Variants in TM7SF2 observed in about 807,000 individuals in gnomAD.
TM7SF2 encodes the protein delta(14)-sterol reductase TM7SF2.
A neutral mutation model predicts 51.0 loss-of-function variants in TM7SF2; 51 were observed. The observed-to-expected ratio is 1.00, with a 90% CI of 0.80 to 1.26. The LOEUF is 1.26. Ranked by LOEUF, TM7SF2 falls within the 50% of genes most tolerant of loss-of-function variation. The probability of loss-of-function intolerance (pLI) is 0.00; values close to 1 mark genes in which losing one functional copy is unlikely to be tolerated. For missense variants in TM7SF2, 541 were observed against 547.4 expected (o/e 0.99, Z 0.12); for synonymous variants, 255 against 241.0 (o/e 1.06, Z -0.54).
Position 65,116,200 on chromosome 11 carries a change from G to A in TM7SF2, c.*147G>A, listed in dbSNP as rs187905556. 3.1e-4 allele frequency: 389 copies of A among 1,257,276 alleles called. 9 individuals are homozygous for A. In the South Asian group the frequency reaches 3.7e-3, roughly 12 times the overall value. The allele number at this position is 1,257,276 out of a possible 1,614,324, so 77.9% of individuals were successfully genotyped here. ...AACCTCAGAGAAGAGGTGGTTTAGA[G>A]CAAGGAAAAAAATGAAACCAGTGAC... On this transcript the variant is annotated 3_prime_UTR_variant, in exon 10 of 10. Transcript: ENST00000279263.
chr11:65,114,590 C>G lies in TM7SF2; in HGVS notation c.604-123C>G. 4.0e-6 allele frequency: 5 copies of G among 1,240,194 alleles called. No individual in the cohort carries two copies. In the South Asian group the frequency reaches 7.4e-5, roughly 18 times the overall value. 76.8% of individuals were successfully genotyped at this position (1,240,194 alleles called of 1,614,324 possible). A position where few individuals can be genotyped will look rare whatever the true frequency, so the allele number is the denominator to read the frequency against. On this transcript the variant is annotated intron_variant, in intron 5 of 9. Coordinates refer to ENST00000279263, the MANE Select transcript of TM7SF2 (RefSeq NM_003273.6). Reference sequence around the variant, plus strand: ...CTGTCCACAGTCTCTGTCCTTGGGTCTAGGGCCTGGATCCACTTAAGAGCT... The same window carrying G: ...CTGTCCACAGTCTCTGTCCTTGGGTGTAGGGCCTGGATCCACTTAAGAGCT...
rs529927670 is a variant in TM7SF2, at chr11:65,116,193, G to A, written c.*140G>A. 1 of 1,270,662 alleles carries A rather than the reference G, an allele frequency of 7.9e-7. No individual in the cohort carries two copies. Among genetic ancestry groups the A allele is most frequent in the South Asian group, 1.5e-5 (1 of 66,578 alleles). 78.7% of individuals were successfully genotyped at this position (1,270,662 alleles called of 1,614,324 possible). A position where few individuals can be genotyped will look rare whatever the true frequency, so the allele number is the denominator to read the frequency against. On this transcript the variant is annotated 3_prime_UTR_variant, in exon 10 of 10. Coordinates refer to ENST00000279263, the MANE Select transcript of TM7SF2 (RefSeq NM_003273.6). ...GATGAACAACCTCAGAGAAGAGGTG[G>A]TTTAGAGCAAGGAAAAAAATGAAAC...
Position 65,115,340 on chromosome 11 carries a change from GCGAATTCC to G in TM7SF2, c.921_928del (p.Asn308GlufsTer10). On this transcript the variant is annotated frameshift_variant, in exon 8 of 10. Coordinates refer to ENST00000279263, the MANE Select transcript of TM7SF2 (RefSeq NM_003273.6). LOFTEE classifies it high-confidence loss of function. ...TACTGGTTACTACATCTTCCGTGGGGCGAATTCCCAGAAAAACACTTTCCGAAAGAATC... is the reference window on the plus strand; with the variant it reads ...TACTGGTTACTACATCTTCCGTGGGGCAGAAAAACACTTTCCGAAAGAATC... The G allele has an allele frequency of 6.2e-7, 1 of 1,614,158 alleles. No individual in the cohort carries two copies. The highest frequency in any genetic ancestry group is 2.2e-5 in the East Asian group (1 of 44,884).
Position 65,113,564 on chromosome 11 carries a change from C to A in TM7SF2, c.573C>A (p.Phe191Leu), listed in dbSNP as rs1353524397. The change falls in exon 5 of 10, where the codon TTC (phenylalanine) becomes TTA (leucine). Residue 191 changes from phenylalanine to leucine, a missense_variant. Phe to Leu is a conservative substitution (Grantham distance 22, BLOSUM62 0). Transcript: ENST00000279263. ...TCTGTTTCTTCGACTTCAAATATTT[C>A]TGTGAACTGCGACCCGGCCTCATCG... is the stretch of plus-strand genomic sequence containing the variant. The part of the protein sequence containing the change: ...PRICFFDFKY[F>L]CELRPGLIGW... 2 of 1,613,992 alleles carry A rather than the reference C, an allele frequency of 1.2e-6. No individual in the cohort carries two copies. The highest frequency in any genetic ancestry group is 1.7e-6 in the Non-Finnish European group (2 of 1,180,014).
Position 65,116,167 on chromosome 11 carries a change from G to A in TM7SF2, c.*114G>A. 3.6e-6 allele frequency: 5 copies of A among 1,374,262 alleles called. No homozygotes were observed. The highest frequency in any genetic ancestry group is 4.9e-6 in the Non-Finnish European group (5 of 1,026,174). The allele number at this position is 1,374,262 out of a possible 1,614,324, so 85.1% of individuals were successfully genotyped here. ...GGGCTTGCACCCCACCCAGCCCTGA[G>A]GATGAACAACCTCAGAGAAGAGGTG... On this transcript the variant is annotated 3_prime_UTR_variant, in exon 10 of 10. Coordinates refer to ENST00000279263, the MANE Select transcript of TM7SF2 (RefSeq NM_003273.6).
In TM7SF2 at chr11:65,112,040, G is replaced by T; in HGVS notation, c.25G>T (p.Ala9Ser). 1.3e-6 allele frequency: 2 copies of T among 1,594,402 alleles called. No homozygotes were observed. Among genetic ancestry groups the T allele is most frequent in the Non-Finnish European group, 1.7e-6 (2 of 1,172,198 alleles). Residue 9 changes from alanine to serine, a missense_variant, in exon 1 of 10, where the codon GCC becomes TCC. Transcript: ENST00000279263. The stretch of plus-strand genomic sequence containing the variant: ...CATGGCCCCCACTCAGGGCCCCCGG[G>T]CCCCGCTGGAATTCGGAGGGCCCCT... MAPTQGPRAPLEFGGPLGA... is the reference protein window; with the variant it reads MAPTQGPRSPLEFGGPLGA...
At chr11:65,112,999 C>T in intron 3 of TM7SF2, 134 bp downstream of exon 3, 5 of 1,191,330 alleles carry the variant, frequency 4.2e-6, no homozygotes, top group Non-Finnish European at 5.9e-6. Context: ...AGGACAGACG[C>T]CGGGGGCTCT....
Position 65,115,938 on chromosome 11 carries a change from C to T in TM7SF2, c.1142C>T (p.Ala381Val), listed in dbSNP as rs778148061. The stretch of plus-strand genomic sequence containing the variant: ...TACTTCTACCTCCTCTACTTCACCG[C>T]GCTGCTGGTGCACCGTGAGGCCCGG... The part of the protein sequence containing the change: ...LPYFYLLYFT[A>V]LLVHREARDE... Residue 381 changes from alanine to valine, a missense_variant, in exon 10 of 10, where the codon GCG becomes GTG. Transcript: ENST00000279263. 6.8e-6 allele frequency: 11 copies of T among 1,613,914 alleles called. No homozygotes were observed. Among genetic ancestry groups the T allele is most frequent in the South Asian group, 5.5e-5 (5 of 91,088 alleles).
rs753567126 is a variant in TM7SF2 at position 65,115,532 on chromosome 11, G to C, written c.1030G>C (p.Gly344Arg). Reference sequence around the variant, plus strand: ...GAAACTGCTGGTGTCTGGGTGGTGGGGTATGGTCCGCCATCCCAACTATCT... The same window carrying C: ...GAAACTGCTGGTGTCTGGGTGGTGGCGTATGGTCCGCCATCCCAACTATCT... ...GRKLLVSGWWGMVRHPNYLGD... is the reference protein window; with the variant it reads ...GRKLLVSGWWRMVRHPNYLGD... The change falls in exon 9 of 10, where the codon GGT becomes CGT. Residue 344 changes from glycine (G) to arginine (R), a missense_variant. By Grantham distance (125) the Gly-to-Arg change is moderately radical (BLOSUM62 -2). Coordinates refer to ENST00000279263, the MANE Select transcript of TM7SF2 (RefSeq NM_003273.6). The C allele has an allele frequency of 4.3e-6, 7 of 1,614,118 alleles. No individual in the cohort carries two copies. Among genetic ancestry groups the C allele is most frequent in the Non-Finnish European group, 5.9e-6 (7 of 1,180,010 alleles).
rs913852743 is a variant in TM7SF2, at chr11:65,113,424, G to A, written c.499+10G>A. 1 of 1,614,056 alleles carries A rather than the reference G, an allele frequency of 6.2e-7. No individual in the cohort carries two copies. The highest frequency in any genetic ancestry group is 8.5e-7 in the Non-Finnish European group (1 of 1,180,008). On this transcript the variant is annotated intron_variant, in intron 4 of 9. Coordinates refer to ENST00000279263, the MANE Select transcript of TM7SF2 (RefSeq NM_003273.6). ...CCTGGGGGGAACTCAGGTGAGAGGGGTCCTGGGGTGGAGACGGAGGCAGAT... is the reference window on the plus strand; with the variant it reads ...CCTGGGGGGAACTCAGGTGAGAGGGATCCTGGGGTGGAGACGGAGGCAGAT...
In TM7SF2 at chr11:65,114,806, T is replaced by C. The variant is rs867555087; in HGVS notation, c.697T>C (p.Tyr233His). ...MWLVNGFQLL[Y>H]VGDALWHEEA... ...GCTGGTCAATGGCTTCCAGTTGCTC[T>C]ACGTGGGTGATGCCCTCTGGCACGA... The change falls in exon 6 of 10, where the codon TAC (tyrosine) becomes CAC (histidine). Residue 233 changes from tyrosine to histidine, a missense_variant. By Grantham distance (83) the Tyr-to-His change is moderately conservative (BLOSUM62 2). Coordinates refer to ENST00000279263, the MANE Select transcript of TM7SF2 (RefSeq NM_003273.6). 2 of 1,614,136 alleles carry C rather than the reference T, an allele frequency of 1.2e-6. No individual in the cohort carries two copies. Among genetic ancestry groups the C allele is most frequent in the African/African-American group, 2.7e-5 (2 of 74,948 alleles).
Position 65,113,594 on chromosome 11 carries a change from G to A in TM7SF2, c.603G>A (p.Trp201Ter). ...AACTGCGACCCGGCCTCATCGGCTG[G>A]GTATGTTGGGCTTGACTGAGCTGGC... ...FCELRPGLIG[W>*]VLINLALLMK... The change falls in exon 5 of 10, where the codon TGG (tryptophan) becomes TGA (stop). Residue 201 changes from tryptophan to a stop codon, truncating the protein, a stop_gained and splice_region_variant. Coordinates refer to ENST00000279263, the MANE Select transcript of TM7SF2 (RefSeq NM_003273.6). LOFTEE classifies it high-confidence loss of function. 2 of 1,613,768 alleles carry A rather than the reference G, an allele frequency of 1.2e-6. No homozygotes were observed. The highest frequency in any genetic ancestry group is 1.7e-4 in the Middle Eastern group (1 of 5,994).
chr11:65,114,936 T>C lies in TM7SF2; in HGVS notation c.747T>C (p.Asp249=). The stretch of plus-strand genomic sequence containing the variant: ...AGGAGGCCGTCCTCACCACCATGGA[T>C]ATCACACATGACGGGTTTGGCTTCA... ...WHEEAVLTTM[D]ITHDGFGFML... Residue 249 remains aspartate (D), a synonymous_variant, in exon 7 of 10, where the codon GAT becomes GAC. Coordinates refer to ENST00000279263, the MANE Select transcript of TM7SF2 (RefSeq NM_003273.6). The C allele has an allele frequency of 6.2e-7, 1 of 1,614,160 alleles. No homozygotes were observed. The highest frequency in any genetic ancestry group is 8.5e-7 in the Non-Finnish European group (1 of 1,180,010).
In TM7SF2 at chr11:65,114,594, G is replaced by A. The variant is rs1308742577; in HGVS notation, c.604-119G>A. Reference sequence around the variant, plus strand: ...CCACAGTCTCTGTCCTTGGGTCTAGGGCCTGGATCCACTTAAGAGCTGGAG... The same window carrying A: ...CCACAGTCTCTGTCCTTGGGTCTAGAGCCTGGATCCACTTAAGAGCTGGAG... On this transcript the variant is annotated intron_variant, in intron 5 of 9. Transcript: ENST00000279263. 1.2e-5 allele frequency: 15 copies of A among 1,275,270 alleles called. No homozygotes were observed. The East Asian group carries it at 1.8e-4, about 15-fold the overall frequency. 79.0% of individuals were successfully genotyped at this position (1,275,270 alleles called of 1,614,324 possible).
At position 65,113,324 on chromosome 11, in the gene TM7SF2, G is replaced by A. The variant is rs373651115; in HGVS notation, c.409G>A (p.Ala137Thr). ...PEMLLPLAFV[A>T]TLTAFIFSLF... ...AATGCTCCTGCCCTTGGCGTTTGTCGCCACCCTCACCGCTTTCATCTTCAG... is the reference window on the plus strand; with the variant it reads ...AATGCTCCTGCCCTTGGCGTTTGTCACCACCCTCACCGCTTTCATCTTCAG... Residue 137 changes from alanine (A) to threonine (T), a missense_variant, in exon 4 of 10, where the codon GCC becomes ACC. Physicochemically the swap from Ala to Thr is moderately conservative, Grantham distance 58 (BLOSUM62 0). Transcript: ENST00000279263. The A allele has an allele frequency of 7.1e-5, 114 of 1,613,518 alleles. No homozygotes were observed. The highest frequency in any genetic ancestry group is 9.2e-5 in the Non-Finnish European group (109 of 1,180,030).
At chr11:65,112,101 G>C in intron 1 of TM7SF2, 34 bp downstream of exon 1, 1 of 1,579,516 alleles carries the variant, frequency 6.3e-7, no homozygotes, top group South Asian at 1.2e-5. Flanking sequence ...CTGGGGCAAA[G>C]GCTAAGCGAA....
Position 65,112,816 on chromosome 11 carries a change from C to T in TM7SF2, c.255C>T (p.Ala85=). ...ALYLLPARKV[A]EGQELKDKSR... is the part of the protein sequence containing the mutation. ...GAGCCCCCTTGGACCCGCAGGTGGC[C>T]GAGGGGCAGGAATTGAAGGACAAGA... The change falls in exon 3 of 10, where the codon GCC becomes GCT. Residue 85 remains alanine, a synonymous_variant. Transcript: ENST00000279263. 1 of 1,550,456 alleles carries T rather than the reference C, an allele frequency of 6.4e-7. No homozygotes were observed. Among genetic ancestry groups the T allele is most frequent in the Non-Finnish European group, 8.7e-7 (1 of 1,146,968 alleles).
At position 65,112,724 on chromosome 11, in the gene TM7SF2, C is replaced by T. The variant is rs1453404750; in HGVS notation, c.249+13C>T. On this transcript the variant is annotated intron_variant, in intron 2 of 9. Transcript: ENST00000279263. The stretch of plus-strand genomic sequence containing the variant: ...GCCGGCGCGCAAGGTGCGGGCCCCG[C>T]TCGCGGACGCTCGGGGGAGGGAAGC... 10 of 1,547,962 alleles carry T rather than the reference C, an allele frequency of 6.5e-6. No homozygotes were observed. The highest frequency in any genetic ancestry group is 1.2e-5 in the South Asian group (1 of 83,912).
Position 65,115,936 on chromosome 11 carries a change from C to T in TM7SF2, c.1140C>T (p.Thr380=), listed in dbSNP as rs758924190. 190 of 1,614,026 alleles carry T rather than the reference C, an allele frequency of 1.2e-4. No individual in the cohort carries two copies. Among genetic ancestry groups the T allele is most frequent in the Admixed American group, 1.5e-4 (9 of 60,020 alleles). ...LLPYFYLLYF[T]ALLVHREARD... is the part of the protein sequence containing the mutation. ...CCTACTTCTACCTCCTCTACTTCAC[C>T]GCGCTGCTGGTGCACCGTGAGGCCC... Residue 380 remains threonine, a synonymous_variant, in exon 10 of 10, where the codon ACC becomes ACT. Transcript: ENST00000279263.
Sources: gnomAD v4.1 joint callset for allele counts on GRCh38, gnomAD v4.1.1 for gene constraint, MANE v1.5 for transcripts, NCBI Gene and HGNC (gene_info 2026-07-23, HGNC 2026-07-21) for gene names.